The following DNM3 variants were observed in gnomAD, a reference collection of about 807,000 sequenced individuals.
DNM3 encodes dynamin 3.
In DNM3, 47 loss-of-function variants were observed where a neutral mutation model predicts 101.6. The ratio of observed to expected loss-of-function variants is 0.46; its 90% CI spans 0.37 to 0.59. DNM3 has a LOEUF of 0.59. Ranked by LOEUF, DNM3 falls within the 20% of genes least tolerant of loss-of-function variation. The pLI, the probability that DNM3 is intolerant of heterozygous loss-of-function variation, is 0.00. For missense variants in DNM3, 849 were observed against 1,085.7 expected (o/e 0.78, Z 3.06); for synonymous variants, 385 against 387.9 (o/e 0.99, Z 0.09).
intron 9 of DNM3, among the ~76,000 whole-genome samples, chr1:172,045,902 G>A (rs2049754538): frequency 6.6e-6 from 1 of 152,160 alleles, no homozygotes; most frequent in Non-Finnish European, 1.5e-5. Context: ...ATTTTACAAA[G>A]GAGTTATGAT....
rs60523795 is a variant in DNM3 at position 171,875,813 on chromosome 1, C to CTTTTTTTTTTTTTTT, written c.161+33998_161+34012dup. Among the ~76,000 whole-genome samples the CTTTTTTTTTTTTTTT allele has an allele frequency of 1.0e-3, 107 of 104,660 alleles. 13 individuals carry two copies. The highest frequency in any genetic ancestry group is 2.2e-3 in the African/African-American group (52 of 23,204). 68.7% of individuals were successfully genotyped at this position (104,660 alleles called of 152,430 possible). On this transcript the variant is annotated intron_variant, in intron 1 of 20. Coordinates refer to ENST00000627582, the MANE Select transcript of DNM3 (RefSeq NM_015569.5). ...CAAGTCTAAAAAAAGAGTTGTCTCTCTTTTTTTTTTTTTTTTGAGATGGAG... is the reference window on the plus strand; with the variant it reads ...CAAGTCTAAAAAAAGAGTTGTCTCTCTTTTTTTTTTTTTTTTTTTTTTTTTTTTTTTGAGATGGAG...
intron 9 of DNM3, among the ~76,000 whole-genome samples, chr1:172,044,701 G>A (rs543749412): frequency 4.6e-5 from 7 of 152,198 alleles, no homozygotes; most frequent in South Asian, 4.1e-4. Context: ...TAGGGGATTC[G>A]CAGATTAGCA....
chr1:172,171,686 G>A (rs1381690964), intron 14 of DNM3, among the ~76,000 whole-genome samples: 3 of 151,786 alleles, frequency 2.0e-5, no homozygotes, highest in East Asian at 3.9e-4. Flanking sequence ...TGGAAAATGT[G>A]TTGATATCAA....
chr1:172,326,242 GGAAA>G (rs1183628929), intron 17 of DNM3, among the ~76,000 whole-genome samples: 3 of 106,768 alleles, frequency 2.8e-5, no homozygotes, highest in Non-Finnish European at 5.9e-5. Flanking sequence ...CAGTTGCTCA[GGAAA>G]AATTTTCCTT....
intron 20 of DNM3, among the ~76,000 whole-genome samples, chr1:172,401,037 C>T (rs936176158): frequency 5.9e-5 from 9 of 152,186 alleles, no homozygotes; most frequent in African/African-American, 2.2e-4. Context: ...CAACAAGAAA[C>T]TTCTTCAGGG....
chr1:172,010,337 A>G (rs1228707191), intron 4 of DNM3, among the ~76,000 whole-genome samples: 1 of 148,200 alleles, frequency 6.7e-6, no homozygotes, highest in Non-Finnish European at 1.5e-5. Context: ...ACCAACTTGT[A>G]TTTCCTTCAG....
At chr1:172,107,396 GAAA>G in intron 13 of DNM3, among the ~76,000 whole-genome samples, 1 of 148,112 alleles carries the variant, frequency 6.8e-6, no homozygotes, top group Non-Finnish European at 1.5e-5. Flanking sequence ...GTGGAATGTG[GAAA>G]AAAAAAAAGT....
chr1:172,405,068 G>A (rs1558099112), intron 20 of DNM3, among the ~76,000 whole-genome samples: 1 of 151,998 alleles, frequency 6.6e-6, no homozygotes. Flanking sequence ...TCAAATATAA[G>A]CTTCTGATAA....
Position 172,410,984 on chromosome 1 carries a change from GTAAGTA to G in DNM3, c.*3145_*3150del, listed in dbSNP as rs750234403. On this transcript the variant is annotated 3_prime_UTR_variant, in exon 21 of 21. Coordinates refer to ENST00000627582, the MANE Select transcript of DNM3 (RefSeq NM_015569.5). ...GCATATACCTAGTAAGTATGTTTCT[GTAAGTA>G]TGTGTATTTTATGTCCATTTGAGTA... 9.1e-6 allele frequency: 9 copies of G among 985,176 alleles called. No homozygotes were observed. Among genetic ancestry groups the G allele is most frequent in the Non-Finnish European group, 1.1e-5 (9 of 829,776 alleles). The allele number at this position is 985,176 out of a possible 1,614,324, so 61.0% of individuals were successfully genotyped here.
rs377407458 is a variant in DNM3 at position 172,299,583 on chromosome 1, G to C, written c.1770-9145G>C. On this transcript the variant is annotated intron_variant, in intron 15 of 20. Transcript: ENST00000627582. ...CCCAGTGTCTATTGTTCCCAACTTT[G>C]TCTATATGTGCCCAATGTTTAGCTC... Among the ~76,000 whole-genome samples, 12 of 152,008 alleles carry C rather than the reference G, an allele frequency of 7.9e-5. No homozygotes were observed. In the East Asian group the frequency reaches 1.2e-3, roughly 15 times the overall value.
intron 2 of DNM3, among the ~76,000 whole-genome samples, chr1:171,979,741 G>C (rs1442876339): frequency 1.3e-5 from 2 of 152,204 alleles, no homozygotes; most frequent in Non-Finnish European, 2.9e-5. Context: ...TTTAGAAGCA[G>C]AAGAAAACTG....
At chr1:171,993,498 C>CTTTTT (rs145178902) in intron 4 of DNM3, among the ~76,000 whole-genome samples, 15 of 128,662 alleles carry the variant, frequency 1.2e-4, no homozygotes, top group East Asian at 2.3e-4. Context: ...TTTCAAGATT[C>CTTTTT]TTTTTTTTTT....
chr1:172,051,540 C>T (rs749291959), intron 10 of DNM3, among the ~76,000 whole-genome samples: 19 of 152,192 alleles, frequency 1.2e-4, no homozygotes, highest in Non-Finnish European at 2.5e-4. Flanking sequence ...AAATGTTTTA[C>T]TAGGAAATTG....
At chr1:172,002,656 TA>T (rs1210409743) in intron 4 of DNM3, among the ~76,000 whole-genome samples, 1 of 152,068 alleles carries the variant, frequency 6.6e-6, no homozygotes, top group Non-Finnish European at 1.5e-5. Flanking sequence ...TTTATAGGCT[TA>T]AAAAAGCTTT....
intron 13 of DNM3, among the ~76,000 whole-genome samples, chr1:172,111,547 G>C (rs2055478854): frequency 6.6e-6 from 1 of 152,176 alleles, no homozygotes; most frequent in South Asian, 2.1e-4. Flanking sequence ...ATGAGGCTTG[G>C]CTATATTAAG....
chr1:172,025,251 G>A (rs1316608335), intron 4 of DNM3, among the ~76,000 whole-genome samples: 1 of 152,206 alleles, frequency 6.6e-6, no homozygotes, highest in South Asian at 2.1e-4. Flanking sequence ...TGCCTCTTTA[G>A]ATTCCTCCTC....
At chr1:172,377,936 C>A (rs1213372318) in intron 17 of DNM3, among the ~76,000 whole-genome samples, 1 of 151,952 alleles carries the variant, frequency 6.6e-6, no homozygotes, top group South Asian at 2.1e-4. Flanking sequence ...AAAGGCTTAT[C>A]ATTTAATATC....
rs565093449 is a variant in DNM3, at chr1:172,304,860, A to G, written c.1770-3868A>G. Among the ~76,000 whole-genome samples, 4 of 152,312 alleles carry G rather than the reference A, an allele frequency of 2.6e-5. No individual in the cohort carries two copies. The South Asian group carries it at 8.3e-4, about 32-fold the overall frequency. On this transcript the variant is annotated intron_variant, in intron 15 of 20. Transcript: ENST00000627582. ...GAGAACAAAGACACAACATACCAGAATCTCTGGGACGCATTTAAAGCAGTG... is the reference window on the plus strand; with the variant it reads ...GAGAACAAAGACACAACATACCAGAGTCTCTGGGACGCATTTAAAGCAGTG...
At chr1:172,165,692 C>T (rs2058719049) in intron 14 of DNM3, among the ~76,000 whole-genome samples, 2 of 152,070 alleles carry the variant, frequency 1.3e-5, no homozygotes, top group African/African-American at 4.8e-5. Flanking sequence ...CCCGGATCAC[C>T]TCCAACTCAA....
Sources: gnomAD v4.1 joint callset for allele counts (sites outside exome capture counted in the v4.1 genomes callset) on GRCh38, gnomAD v4.1.1 for gene constraint, MANE v1.5 for transcripts, NCBI Gene and HGNC (gene_info 2026-07-23, HGNC 2026-07-21) for gene names.